ABCG5: variants seen among roughly 807,000 people sequenced by gnomAD.
The protein encoded by ABCG5 is ATP-binding cassette sub-family G member 5.
In ABCG5, 64 loss-of-function variants were observed where a neutral mutation model predicts 64.5. That is an observed-to-expected ratio of 0.99 (90% CI 0.81 to 1.22). ABCG5 has a LOEUF of 1.22. Among genes scored for constraint, ABCG5 ranks in the 50% most tolerant of loss-of-function variants. The pLI is 0.00. For missense variants in ABCG5, 908 were observed against 829.5 expected (o/e 1.09, Z -1.16); for synonymous variants, 385 against 326.3 (o/e 1.18, Z -1.94).
chr2:43,824,658 T>C (rs1242950150), intron 7 of ABCG5: 21 of 983,172 alleles, frequency 2.1e-5, no homozygotes, highest in Non-Finnish European at 2.5e-5. Context: ...CTAATTATGC[T>C]CTGATAAAGT....
Position 43,818,815 on chromosome 2 carries a change from A to G in ABCG5, c.1649+1100T>C, listed in dbSNP as rs182491045. ...ACTGCAATTTATAATGTGTTTTCATATTGATTATTTCCGTTCCTTCTCATG... is the reference window on the plus strand; with the variant it reads ...ACTGCAATTTATAATGTGTTTTCATGTTGATTATTTCCGTTCCTTCTCATG... On this transcript the variant is annotated intron_variant, in intron 11 of 12. Transcript: ENST00000405322. 9.8e-5 allele frequency among the ~76,000 whole-genome samples: 15 copies of G among 152,292 alleles called. 1 individual carries two copies. Among genetic ancestry groups the G allele is most frequent in the Admixed American group, 9.8e-4 (15 of 15,286 alleles).
At position 43,831,871 on chromosome 2, in the gene ABCG5, C is replaced by A; in HGVS notation, c.403-4G>T. Reference sequence around the variant, plus strand: ...GGCTGCTCAGCAGGGTGTCGCTCTGCAGGAGACTCGGGCGTCAGTGTAGCC... The same window carrying A: ...GGCTGCTCAGCAGGGTGTCGCTCTGAAGGAGACTCGGGCGTCAGTGTAGCC... On this transcript the variant is annotated splice_polypyrimidine_tract_variant and splice_region_variant and intron_variant, in intron 3 of 12. Coordinates refer to ENST00000405322, the MANE Select transcript of ABCG5 (RefSeq NM_022436.3). The A allele has an allele frequency of 6.4e-7, 1 of 1,565,608 alleles. No homozygotes were observed. Among genetic ancestry groups the A allele is most frequent in the Non-Finnish European group, 8.6e-7 (1 of 1,156,916 alleles).
rs79964831 is a variant in ABCG5, at chr2:43,825,277, C to T, written c.775-259G>A. ...TGGGTCATGCTGCCTCCCATCCTGACGCCCAGCTTCATATCTGGGATAGAC... is the reference window on the plus strand; with the variant it reads ...TGGGTCATGCTGCCTCCCATCCTGATGCCCAGCTTCATATCTGGGATAGAC... On this transcript the variant is annotated intron_variant, in intron 6 of 12. Coordinates refer to ENST00000405322, the MANE Select transcript of ABCG5 (RefSeq NM_022436.3). Among the ~76,000 whole-genome samples, 5,877 of 152,232 alleles carry T rather than the reference C, an allele frequency of 0.039. 372 individuals carry two copies. Among genetic ancestry groups the T allele is most frequent in the African/African-American group, 0.13 (5,503 of 41,526 alleles).
chr2:43,836,261 AC>A, intron 2 of ABCG5, among the ~76,000 whole-genome samples: 1 of 151,944 alleles, frequency 6.6e-6, no homozygotes, highest in Non-Finnish European at 1.5e-5. Flanking sequence ...TCTTAACAAC[AC>A]TACTGTTGGC....
intron 11 of ABCG5, among the ~76,000 whole-genome samples, chr2:43,815,435 A>G (rs1009775809): frequency 1.3e-5 from 2 of 152,226 alleles, no homozygotes; most frequent in African/African-American, 4.8e-5. Context: ...GTAGTGAACT[A>G]TTTGTGCCAA....
At chr2:43,829,316 A>G (rs2104852187) in intron 4 of ABCG5, among the ~76,000 whole-genome samples, 1 of 152,332 alleles carries the variant, frequency 6.6e-6, no homozygotes, top group Admixed American at 6.5e-5. Flanking sequence ...CACATCAAAG[A>G]CATATAATCC....
chr2:43,832,040 C>A lies in ABCG5; in HGVS notation c.309G>T (p.Leu103=). 6.3e-7 allele frequency: 1 copy of A among 1,578,154 alleles called. No homozygotes were observed. Among genetic ancestry groups the A allele is most frequent in the Non-Finnish European group, 8.6e-7 (1 of 1,162,462 alleles). Reference sequence around the variant, plus strand: ...CCCCCAGGAAGGTCCCCGCGCGCCCCAGCCTCCCGGACATGGCGTCCAGCA... The same window carrying A: ...CCCCCAGGAAGGTCCCCGCGCGCCCAAGCCTCCCGGACATGGCGTCCAGCA... ...TTLLDAMSGR[L]GRAGTFLGEV... The change falls in exon 3 of 13, where the codon CTG becomes CTT. Residue 103 remains leucine, a synonymous_variant. Coordinates refer to ENST00000405322, the MANE Select transcript of ABCG5 (RefSeq NM_022436.3).
chr2:43,825,598 T>TTTG (rs1042090089), intron 6 of ABCG5, among the ~76,000 whole-genome samples: 5 of 150,848 alleles, frequency 3.3e-5, no homozygotes, highest in East Asian at 1.9e-4. Context: ...TTGTTGTTGT[T>TTTG]TTGTTGTTAT....
chr2:43,813,722 T>TG (rs1255228386), intron 12 of ABCG5, among the ~76,000 whole-genome samples: 7 of 125,784 alleles, frequency 5.6e-5, no homozygotes, highest in Non-Finnish European at 1.0e-4. Flanking sequence ...TTTTTTTTTT[T>TG]TTTTTTTTTT....
chr2:43,838,769 T>G lies in ABCG5; in HGVS notation c.-90A>C, dbSNP rs1261361171. 1 of 1,566,988 alleles carries G rather than the reference T, an allele frequency of 6.4e-7. No individual in the cohort carries two copies. The highest frequency in any genetic ancestry group is 8.6e-7 in the Non-Finnish European group (1 of 1,157,040). Reference sequence around the variant, plus strand: ...TTGGGGAGCCCGTGGCAGACTGCCCTGCCTGCTCCACCTGACCCCGGAGTC... The same window carrying G: ...TTGGGGAGCCCGTGGCAGACTGCCCGGCCTGCTCCACCTGACCCCGGAGTC... On this transcript the variant is annotated 5_prime_UTR_variant, in exon 1 of 13. Transcript: ENST00000405322. This position sits in a 1 kb window ranked among gnomAD's most constrained non-coding sequence, Gnocchi z 4.2.
chr2:43,815,910 G>GA (rs4148200), intron 11 of ABCG5, among the ~76,000 whole-genome samples: 3,319 of 104,064 alleles, frequency 0.032, 125 homozygotes, highest in African/African-American at 0.09. Flanking sequence ...AACAGGAAAA[G>GA]AAAAAAAAAA....
At chr2:43,828,576 C>T in intron 4 of ABCG5, 1 of 338,880 alleles carries the variant, frequency 3.0e-6, no homozygotes, top group Non-Finnish European at 5.6e-6. Context: ...GCAGGAGGAT[C>T]GCTTGATCCC....
intron 2 of ABCG5, among the ~76,000 whole-genome samples, chr2:43,835,889 A>G (rs1668231129): frequency 1.3e-5 from 2 of 151,806 alleles, no homozygotes; most frequent in African/African-American, 4.8e-5. Context: ...CACCCAGTCT[A>G]TGGTATTTTG....
intron 2 of ABCG5, among the ~76,000 whole-genome samples, chr2:43,834,941 A>G (rs530948378): frequency 1.3e-5 from 2 of 152,348 alleles, no homozygotes; most frequent in East Asian, 1.9e-4. Flanking sequence ...TAAGACACCA[A>G]TGAAATTGTC....
intron 12 of ABCG5, 117 bp from the exon 13 acceptor site, chr2:43,813,426 A>T (rs538413682): frequency 6.7e-6 from 5 of 741,806 alleles, no homozygotes; most frequent in South Asian, 1.5e-5. Flanking sequence ...CACTTTAGCA[A>T]GCCCAGAGTT....
chr2:43,839,122 T>G (rs949863075), upstream of ABCG5: 4 of 1,550,794 alleles, frequency 2.6e-6, no homozygotes, highest in African/African-American at 5.5e-5. Context: ...CCTCGGTGAG[T>G]GAGCAATGGG....
At chr2:43,812,279 T>C (rs553199632), downstream of ABCG5, among the ~76,000 whole-genome samples, 34 of 152,180 alleles carry the variant, frequency 2.2e-4, no homozygotes, top group African/African-American at 7.7e-4. Flanking sequence ...AATGGGGTTA[T>C]TTCTCAGTGC....
Position 43,823,048 on chromosome 2 carries a change from G to C in ABCG5, c.1325-113C>G, listed in dbSNP as rs1021341109. 5.0e-5 allele frequency: 73 copies of C among 1,450,584 alleles called. No individual in the cohort carries two copies. In the African/African-American group the frequency reaches 7.3e-4, roughly 15 times the overall value. The allele number at this position is 1,450,584 out of a possible 1,614,324, so 89.9% of individuals were successfully genotyped here. On this transcript the variant is annotated intron_variant, in intron 9 of 12. Coordinates refer to ENST00000405322, the MANE Select transcript of ABCG5 (RefSeq NM_022436.3). ...AGGGCTGGATGGTGAGGACCAGCTAGGGGGGTTCCCTAGTCATAGAAGGAG... is the reference window on the plus strand; with the variant it reads ...AGGGCTGGATGGTGAGGACCAGCTACGGGGGTTCCCTAGTCATAGAAGGAG...
chr2:43,830,930 A>G (rs1667914378), intron 4 of ABCG5, among the ~76,000 whole-genome samples: 1 of 152,234 alleles, frequency 6.6e-6, no homozygotes, highest in Non-Finnish European at 1.5e-5. Context: ...GATGAGGCAC[A>G]TTCAAGATGC....
Sources: gnomAD v4.1 joint callset for allele counts (sites outside exome capture counted in the v4.1 genomes callset) on GRCh38, gnomAD v4.1.1 for gene constraint, Gnocchi (gnomAD v3.1) non-coding constraint, MANE v1.5 for transcripts, NCBI Gene and HGNC (gene_info 2026-07-23, HGNC 2026-07-21) for gene names.